The following MEIS1 variants were observed in gnomAD, a reference collection of about 807,000 sequenced individuals.
MEIS1 encodes Meis homeobox 1, also known as homeobox protein Meis1.
MEIS1 carries 5 observed loss-of-function variants against 50.8 expected under a neutral mutation model. The ratio of observed to expected loss-of-function variants is 0.10; its 90% CI spans 0.05 to 0.21. MEIS1 has a LOEUF of 0.21. Ranked by LOEUF, MEIS1 falls within the 10% of genes least tolerant of loss-of-function variation. The pLI is 1.00. For missense variants in MEIS1, 318 were observed against 517.3 expected (o/e 0.61, Z 3.74); for synonymous variants, 176 against 179.3 (o/e 0.98, Z 0.15).
intron 4 of MEIS1, 24 bp downstream of exon 4, chr2:66,440,636 T>A: frequency 7.7e-7 from 1 of 1,290,392 alleles, no homozygotes; most frequent in Non-Finnish European, 1.1e-6. Context: ...CCTATTTCCC[T>A]CCCCCGCCCC....
At chr2:66,472,269 G>A (rs1044377488) in intron 7 of MEIS1, among the ~76,000 whole-genome samples, 1 of 152,200 alleles carries the variant, frequency 6.6e-6, no homozygotes, top group Non-Finnish European at 1.5e-5. Context: ...CAAGGCAGAA[G>A]TGAGGAAGTT....
chr2:66,528,629 A>C (rs181681770), intron 8 of MEIS1, among the ~76,000 whole-genome samples: 13 of 151,790 alleles, frequency 8.6e-5, no homozygotes, highest in Non-Finnish European at 1.8e-4. Context: ...TCTTCTTCCC[A>C]CCTAGCTCCA....
chr2:66,564,385 G>A (rs1446779449), intron 9 of MEIS1, among the ~76,000 whole-genome samples: 6 of 152,082 alleles, frequency 3.9e-5, no homozygotes, highest in Non-Finnish European at 8.8e-5. Flanking sequence ...GTGTGTATTT[G>A]CTTTCTACCT....
At chr2:66,560,349 G>T (rs946729450) in intron 9 of MEIS1, among the ~76,000 whole-genome samples, 1 of 151,718 alleles carries the variant, frequency 6.6e-6, no homozygotes, top group Non-Finnish European at 1.5e-5. Context: ...ACTTTGGGAG[G>T]CCGAGGAGGT....
In MEIS1 at chr2:66,435,804, G is replaced by T; in HGVS notation, c.-53G>T. On this transcript the variant is annotated 5_prime_UTR_variant, in exon 1 of 13. Transcript: ENST00000272369. ...TGAATATTTGTTTCTTTTCACACTG[G>T]CCTTAAAGAGGATATATTAGAAGTT... is the stretch of plus-strand genomic sequence containing the variant. The T allele has an allele frequency of 7.4e-7, 1 of 1,352,412 alleles. No homozygotes were observed. Among genetic ancestry groups the T allele is most frequent in the Non-Finnish European group, 1.0e-6 (1 of 989,052 alleles). 83.8% of individuals were successfully genotyped at this position (1,352,412 alleles called of 1,614,324 possible). A position where few individuals can be genotyped will look rare whatever the true frequency, so the allele number is the denominator to read the frequency against.
At chr2:66,536,678 A>G (rs1278286279) in intron 8 of MEIS1, among the ~76,000 whole-genome samples, 2 of 152,248 alleles carry the variant, frequency 1.3e-5, no homozygotes, top group African/African-American at 4.8e-5. Context: ...GAAAATGTCA[A>G]TCAACTAGCT....
chr2:66,507,252 C>T (rs1387488846), intron 7 of MEIS1, among the ~76,000 whole-genome samples: 2 of 152,064 alleles, frequency 1.3e-5, no homozygotes, highest in African/African-American at 2.4e-5. Flanking sequence ...ATTTTTGAGT[C>T]TAGGTACGTT....
rs917312285 is a variant in MEIS1, at chr2:66,438,083, CA to C, written c.239+121del. ...TGGAGGTACATCTTTGGTGACTTTTCATTCACATTTCATGGATAATTTGGGG... is the reference window on the plus strand; with the variant it reads ...TGGAGGTACATCTTTGGTGACTTTTCTTCACATTTCATGGATAATTTGGGG... On this transcript the variant is annotated intron_variant, in intron 2 of 12. Transcript: ENST00000272369. 3 of 930,608 alleles carry C rather than the reference CA, an allele frequency of 3.2e-6. No homozygotes were observed. In the African/African-American group the frequency reaches 5.0e-5, roughly 16 times the overall value. 57.6% of individuals were successfully genotyped at this position (930,608 alleles called of 1,614,324 possible).
In MEIS1 at chr2:66,478,703, G is replaced by T. The variant is rs1672949988; in HGVS notation, c.742+14483G>T. Among the ~76,000 whole-genome samples the T allele has an allele frequency of 2.6e-5, 4 of 152,202 alleles. No homozygotes were observed. In the South Asian group the frequency reaches 8.3e-4, roughly 32 times the overall value. On this transcript the variant is annotated intron_variant, in intron 7 of 12. Coordinates refer to ENST00000272369, the MANE Select transcript of MEIS1 (RefSeq NM_002398.3). ...AACCATGCTGGCTTAAAGGAATAAT[G>T]CAACAATTCCAAATAGACACACGCA...
chr2:66,560,099 A>G (rs1675174622), intron 9 of MEIS1, among the ~76,000 whole-genome samples: 1 of 99,616 alleles, frequency 1.0e-5, no homozygotes, highest in Non-Finnish European at 2.0e-5. Context: ...CCCTGCCATC[A>G]CTTTTTTTTT....
intron 7 of MEIS1, among the ~76,000 whole-genome samples, chr2:66,480,633 T>C (rs1672994417): frequency 6.6e-6 from 1 of 152,058 alleles, no homozygotes; most frequent in African/African-American, 2.4e-5. Context: ...AAGTCTTGGG[T>C]ACGTTTTTGT....
At chr2:66,469,528 T>C (rs991871048) in intron 7 of MEIS1, among the ~76,000 whole-genome samples, 2 of 152,180 alleles carry the variant, frequency 1.3e-5, no homozygotes, top group Non-Finnish European at 2.9e-5. Context: ...TCGCCTTTTT[T>C]ACATGAAGAA....
chr2:66,441,210 T>C (rs1671972346), intron 4 of MEIS1, among the ~76,000 whole-genome samples: 1 of 151,996 alleles, frequency 6.6e-6, no homozygotes, highest in African/African-American at 2.4e-5. Context: ...TGCTGTGTTG[T>C]TGTTTTAGCT....
chr2:66,530,725 A>T (rs1304113302), intron 8 of MEIS1, among the ~76,000 whole-genome samples: 1 of 152,190 alleles, frequency 6.6e-6, no homozygotes, highest in Non-Finnish European at 1.5e-5. Flanking sequence ...CAAAAAAAAA[A>T]AATTAGTACC....
intron 6 of MEIS1, among the ~76,000 whole-genome samples, chr2:66,455,903 C>A (rs1002129562): frequency 6.6e-6 from 1 of 152,074 alleles, no homozygotes; most frequent in Non-Finnish European, 1.5e-5. Context: ...GTGTGTGTTG[C>A]GGTGTGTGCA....
intron 6 of MEIS1, among the ~76,000 whole-genome samples, chr2:66,452,019 A>G (rs1468743383): frequency 2.0e-5 from 3 of 151,958 alleles, no homozygotes; most frequent in Non-Finnish European, 4.4e-5. Context: ...GCCAATATAT[A>G]TATAGAAAAT....
intron 7 of MEIS1, among the ~76,000 whole-genome samples, chr2:66,473,249 G>A (rs1249941868): frequency 6.6e-6 from 1 of 150,966 alleles, no homozygotes; most frequent in African/African-American, 2.4e-5. Context: ...ATAGTGGTGC[G>A]TGCCTGTAAT....
intron 3 of MEIS1, 164 bp downstream of exon 3, chr2:66,440,148 T>A (rs1015648375): frequency 1.9e-5 from 13 of 692,660 alleles, no homozygotes; most frequent in African/African-American, 3.7e-5. Flanking sequence ...GCATGTTACC[T>A]CCAACCTCAG....
At chr2:66,558,688 T>G (rs1213780937) in intron 9 of MEIS1, among the ~76,000 whole-genome samples, 3 of 152,120 alleles carry the variant, frequency 2.0e-5, no homozygotes, top group Non-Finnish European at 4.4e-5. Context: ...GAACTAGAAA[T>G]CAAGCTAAAT....
Sources: gnomAD v4.1 joint callset for allele counts (sites outside exome capture counted in the v4.1 genomes callset) on GRCh38, gnomAD v4.1.1 for gene constraint, MANE v1.5 for transcripts, NCBI Gene and HGNC (gene_info 2026-07-23, HGNC 2026-07-21) for gene names.